Variants in CDH12 observed in about 807,000 individuals in gnomAD.
CDH12 encodes cadherin-12.
Under a neutral mutation model 74.1 loss-of-function variants are expected in CDH12, and 41 were observed. That is an observed-to-expected ratio of 0.55 (90% CI 0.43 to 0.72). The LOEUF (loss-of-function observed/expected upper bound fraction) is 0.72. CDH12 is among the 30% of genes least tolerant of loss of function. The pLI is 0.00. For synonymous variants in CDH12, 399 were observed against 355.0 expected (o/e 1.12, Z -1.39); for missense variants, 945 against 977.2 (o/e 0.97, Z 0.44).
In CDH12 at chr5:22,596,452, A is replaced by AG. The variant is rs796105075; in HGVS notation, c.-522-91089_-522-91088insC. ...GTGAAACTCCATCTCAAAGAAAAAAAATATATACACAAAAACAATCTGTCT... is the reference window on the plus strand; with the variant it reads ...GTGAAACTCCATCTCAAAGAAAAAAAGATATATACACAAAAACAATCTGTCT... On this transcript the variant is annotated intron_variant, in intron 1 of 14. Transcript: ENST00000382254. Among the ~76,000 whole-genome samples the AG allele has an allele frequency of 2.6e-5, 4 of 151,974 alleles. No homozygotes were observed. In the South Asian group the frequency reaches 8.3e-4, roughly 32 times the overall value.
chr5:22,466,858 G>A (rs1183388946), intron 2 of CDH12, among the ~76,000 whole-genome samples: 2 of 125,780 alleles, frequency 1.6e-5, no homozygotes, highest in South Asian at 2.6e-4. Context: ...GCGCAGTCTC[G>A]GCTCACTGCA....
intron 5 of CDH12, among the ~76,000 whole-genome samples, chr5:22,028,334 G>GAC (rs1343880048): frequency 1.3e-5 from 2 of 152,092 alleles, no homozygotes; most frequent in African/African-American, 4.8e-5. Context: ...CCTGTTTGCA[G>GAC]ATGACATGAT....
rs373424566 is a variant in CDH12, at chr5:22,509,305, G to A, written c.-522-3941C>T. On this transcript the variant is annotated intron_variant, in intron 1 of 14. Transcript: ENST00000382254. ...CTGAACAAAACCACAGAACCAGAGT[G>A]TCAGACTATGGCTACATAATTTTTA... Among the ~76,000 whole-genome samples the A allele has an allele frequency of 2.0e-5, 3 of 152,300 alleles. No individual in the cohort carries two copies. In the East Asian group the frequency reaches 5.8e-4, roughly 29 times the overall value.
At chr5:21,997,451 G>A (rs1053990954) in intron 5 of CDH12, among the ~76,000 whole-genome samples, 3 of 152,018 alleles carry the variant, frequency 2.0e-5, no homozygotes, top group Admixed American at 2.0e-4. Context: ...TGCCTGAAAT[G>A]GATTTTAAAT....
intron 4 of CDH12, among the ~76,000 whole-genome samples, chr5:22,202,488 A>G (rs1750982540): frequency 6.6e-6 from 1 of 152,158 alleles, no homozygotes; most frequent in East Asian, 1.9e-4. Context: ...GTTAACCCTT[A>G]GTGTTCTATC....
intron 3 of CDH12, among the ~76,000 whole-genome samples, chr5:22,269,935 G>T (rs1736308972): frequency 6.6e-6 from 1 of 152,048 alleles, no homozygotes; most frequent in Admixed American, 6.6e-5. Flanking sequence ...TTCCTGGAGG[G>T]ATACTTCAAA....
At chr5:21,866,248 G>A (rs1015965703) in intron 6 of CDH12, among the ~76,000 whole-genome samples, 2 of 152,156 alleles carry the variant, frequency 1.3e-5, no homozygotes, top group Non-Finnish European at 2.9e-5. Context: ...GTAGAGTAGG[G>A]CACTGCTGTA....
At chr5:21,923,929 C>T (rs1754472675) in intron 6 of CDH12, among the ~76,000 whole-genome samples, 1 of 152,102 alleles carries the variant, frequency 6.6e-6, no homozygotes, top group East Asian at 1.9e-4. Context: ...TGCAGATATA[C>T]TACTAGCACT....
intron 2 of CDH12, among the ~76,000 whole-genome samples, chr5:22,444,913 T>C (rs1744765039): frequency 6.6e-6 from 1 of 152,224 alleles, no homozygotes; most frequent in East Asian, 1.9e-4. Flanking sequence ...TTATATAATA[T>C]ACCATGTTCT....
chr5:22,841,824 T>C (rs1737095294), intron 1 of CDH12, among the ~76,000 whole-genome samples: 1 of 152,150 alleles, frequency 6.6e-6, no homozygotes, highest in Non-Finnish European at 1.5e-5. Flanking sequence ...TATGCATTTT[T>C]GAGTTGGCAG....
chr5:22,276,557 G>A (rs1026000541), intron 3 of CDH12, among the ~76,000 whole-genome samples: 1 of 152,184 alleles, frequency 6.6e-6, no homozygotes, highest in Non-Finnish European at 1.5e-5. Flanking sequence ...TGAAAGAATG[G>A]TTCACTCATG....
intron 3 of CDH12, among the ~76,000 whole-genome samples, chr5:22,404,578 T>C (rs780606509): frequency 5.9e-5 from 9 of 152,196 alleles, no homozygotes; most frequent in East Asian, 1.9e-4. Flanking sequence ...AAAACTGCTA[T>C]AACAGCCATG....
intron 5 of CDH12, among the ~76,000 whole-genome samples, chr5:22,010,622 T>A (rs1196205850): frequency 3.3e-5 from 5 of 152,286 alleles, no homozygotes; most frequent in African/African-American, 9.6e-5. Context: ...TTAGTCCCAC[T>A]CTCTGGTTTA....
chr5:21,996,789 G>A (rs192713813), intron 5 of CDH12, among the ~76,000 whole-genome samples: 17 of 152,136 alleles, frequency 1.1e-4, no homozygotes, highest in East Asian at 1.9e-4. Context: ...ATGTGTTACC[G>A]CATTTATATG....
intron 3 of CDH12, among the ~76,000 whole-genome samples, chr5:22,322,746 GA>G (rs1738938566): frequency 6.6e-6 from 1 of 152,130 alleles, no homozygotes; most frequent in Non-Finnish European, 1.5e-5. Flanking sequence ...TATTGATGAA[GA>G]ATTTATTTAT....
intron 5 of CDH12, among the ~76,000 whole-genome samples, chr5:22,021,095 T>C (rs549854580): frequency 1.3e-5 from 2 of 152,156 alleles, no homozygotes; most frequent in African/African-American, 4.8e-5. Context: ...ACACCCATAA[T>C]GGGATATATT....
chr5:22,839,352 CTTT>C (rs1293903338), intron 1 of CDH12, among the ~76,000 whole-genome samples: 3 of 120,258 alleles, frequency 2.5e-5, no homozygotes, highest in African/African-American at 6.3e-5. Context: ...AATTACTTGT[CTTT>C]TTTTTTTTTT....
chr5:22,475,467 A>T (rs1181076082), intron 2 of CDH12, among the ~76,000 whole-genome samples: 1 of 152,014 alleles, frequency 6.6e-6, no homozygotes, highest in Non-Finnish European at 1.5e-5. Context: ...AAAGAAAATA[A>T]AAATATTGAC....
rs201513323 is a variant in CDH12 at position 21,880,616 on chromosome 5, C to CTTCTTTCTTTCT, written c.527-25838_527-25827dup. On this transcript the variant is annotated intron_variant, in intron 6 of 14. Coordinates refer to ENST00000382254, the MANE Select transcript of CDH12 (RefSeq NM_004061.5). ...CCTTCCTTCCTTCCTTCCTTCCTTC[C>CTTCTTTCTTTCT]TTCTTTCTTTCTTTCTTTCTTTCTT... is the stretch of plus-strand genomic sequence containing the variant. Among the ~76,000 whole-genome samples the CTTCTTTCTTTCT allele has an allele frequency of 1.7e-3, 85 of 50,860 alleles. 4 individuals are homozygous for CTTCTTTCTTTCT. The highest frequency in any genetic ancestry group is 3.7e-3 in the African/African-American group (42 of 11,410). The allele number at this position is 50,860 out of a possible 152,430, so 33.4% of individuals were successfully genotyped here. A position where few individuals can be genotyped will look rare whatever the true frequency, so the allele number is the denominator to read the frequency against.
Sources: gnomAD v4.1 joint callset for allele counts (sites outside exome capture counted in the v4.1 genomes callset) on GRCh38, gnomAD v4.1.1 for gene constraint, MANE v1.5 for transcripts, NCBI Gene and HGNC (gene_info 2026-07-23, HGNC 2026-07-21) for gene names.